Variants in RELN observed in about 807,000 individuals in gnomAD.
RELN encodes reelin.
Under a neutral mutation model 427.6 loss-of-function variants are expected in RELN, and 108 were observed. The observed-to-expected ratio is 0.25, with a 90% confidence interval of 0.22 to 0.30. The LOEUF is 0.30. RELN is among the 10% of genes least tolerant of loss of function. RELN has a pLI of 1.00. For synonymous variants in RELN, 1,524 were observed against 1,513.4 expected, an observed-to-expected ratio of 1.01 and a Z score of -0.16; for missense variants, 3,715 against 4,302.8, an observed-to-expected ratio of 0.86 and a Z score of 3.82.
In RELN at chr7:103,492,128, T is replaced by C. The variant is rs1828694478; in HGVS notation, c.9370-102A>G. On this transcript the variant is annotated intron_variant, in intron 57 of 64. Transcript: ENST00000428762. The stretch of plus-strand genomic sequence containing the variant: ...CCATTTATTACTCTGATAGGTAATA[T>C]TCAGAGAAGCTTTTATAGAGCAGCC... The C allele has an allele frequency of 5.4e-6, 5 of 917,826 alleles. No individual in the cohort carries two copies. The East Asian group carries it at 1.0e-4, about 19-fold the overall frequency. The allele number at this position is 917,826 out of a possible 1,614,324, so 56.9% of individuals were successfully genotyped here. A position where few individuals can be genotyped will look rare whatever the true frequency, so the allele number is the denominator to read the frequency against.
chr7:103,530,650 C>G (rs564476345), intron 46 of RELN, among the ~76,000 whole-genome samples: 1 of 152,146 alleles, frequency 6.6e-6, no homozygotes, highest in Non-Finnish European at 1.5e-5. Flanking sequence ...CTGCTTGAAT[C>G]GGCAACTCAT....
intron 2 of RELN, among the ~76,000 whole-genome samples, chr7:103,914,846 C>T (rs1264918467): frequency 6.6e-6 from 1 of 152,138 alleles, no homozygotes; most frequent in African/African-American, 2.4e-5. Flanking sequence ...CACGCCTTGC[C>T]ATATCAGAAT....
chr7:103,666,618 T>C (rs1833273309), intron 11 of RELN, among the ~76,000 whole-genome samples: 1 of 152,216 alleles, frequency 6.6e-6, no homozygotes, highest in South Asian at 2.1e-4. Context: ...TTTCCAGTGT[T>C]AATTTTACAC....
chr7:103,647,699 A>T (rs1832825437), intron 16 of RELN, among the ~76,000 whole-genome samples: 1 of 151,896 alleles, frequency 6.6e-6, no homozygotes, highest in Non-Finnish European at 1.5e-5. Flanking sequence ...ATTAGAAAAA[A>T]ACAATCCTAA....
chr7:103,478,293 G>A, intron 64 of RELN, 96 bp downstream of exon 64: 1 of 529,038 alleles, frequency 1.9e-6, no homozygotes, highest in Non-Finnish European at 3.3e-6. Flanking sequence ...TTTTTTTTTA[G>A]TTGCAAAGGT....
intron 2 of RELN, among the ~76,000 whole-genome samples, chr7:103,866,871 C>T (rs6944760): frequency 0.36 from 54,639 of 151,822 alleles, 10,264 homozygotes; most frequent in Non-Finnish European, 0.42. Flanking sequence ...CTGCTCCTAC[C>T]CTGACATACA....
At chr7:103,749,365 A>T in intron 6 of RELN, 61 bp downstream of exon 6, 1 of 1,248,994 alleles carries the variant, frequency 8.0e-7, no homozygotes, top group Non-Finnish European at 1.2e-6. Flanking sequence ...TCCTTAAAGG[A>T]GCAGTCAGCA....
At chr7:103,702,793 G>A (rs985192168) in intron 8 of RELN, among the ~76,000 whole-genome samples, 2 of 152,164 alleles carry the variant, frequency 1.3e-5, no homozygotes, top group Non-Finnish European at 2.9e-5. Context: ...TGATTAGTCA[G>A]TCTCCCTGTC....
At chr7:103,633,741 G>T (rs571291299) in intron 19 of RELN, among the ~76,000 whole-genome samples, 73 of 152,188 alleles carry the variant, frequency 4.8e-4, no homozygotes, top group African/African-American at 1.8e-3. Context: ...ACTGAATTTT[G>T]CAGCTGTCCA....
At chr7:103,676,738 A>C (rs1833534357) in intron 11 of RELN, among the ~76,000 whole-genome samples, 1 of 152,002 alleles carries the variant, frequency 6.6e-6, no homozygotes, top group African/African-American at 2.4e-5. Context: ...TGTCCTTTGT[A>C]GGGACACGGA....
chr7:103,891,787 C>G (rs527766673), intron 2 of RELN, among the ~76,000 whole-genome samples: 1 of 152,234 alleles, frequency 6.6e-6, no homozygotes, highest in East Asian at 1.9e-4. Context: ...ACATTGAGCT[C>G]TCTGATTTAT....
chr7:103,886,561 A>G (rs577223619), intron 2 of RELN, among the ~76,000 whole-genome samples: 12 of 152,330 alleles, frequency 7.9e-5, no homozygotes, highest in African/African-American at 2.2e-4. Context: ...GCTTTGTGTG[A>G]ACATGAAAGT....
chr7:103,508,623 T>C (rs1187763411), intron 51 of RELN, among the ~76,000 whole-genome samples: 1 of 150,874 alleles, frequency 6.6e-6, no homozygotes, highest in Non-Finnish European at 1.5e-5. Context: ...CTCTCTCTCT[T>C]ATTCAACACA....
intron 1 of RELN, among the ~76,000 whole-genome samples, chr7:103,963,131 C>CTTTTTT (rs767207596): frequency 4.2e-3 from 226 of 53,740 alleles, no homozygotes; most frequent in Non-Finnish European, 5.8e-3. Flanking sequence ...CTCTTTTCGC[C>CTTTTTT]TTCTTTTTTT....
At chr7:103,890,010 A>C (rs4727578) in intron 2 of RELN, among the ~76,000 whole-genome samples, 118,821 of 151,872 alleles carry the variant, frequency 0.78, 46,524 homozygotes, top group East Asian at 0.87. Context: ...AGTTCTGTGA[A>C]CTTTTTGTTA....
chr7:103,670,246 C>T (rs1833361410), intron 11 of RELN, among the ~76,000 whole-genome samples: 1 of 152,052 alleles, frequency 6.6e-6, no homozygotes, highest in South Asian at 2.1e-4. Flanking sequence ...CAATAACTAT[C>T]AAAACTGAAA....
chr7:103,496,587 G>T lies in RELN; in HGVS notation c.9132C>A (p.Asp3044Glu). The T allele has an allele frequency of 6.2e-7, 1 of 1,614,094 alleles. No individual in the cohort carries two copies. Among genetic ancestry groups the T allele is most frequent in the Non-Finnish European group, 8.5e-7 (1 of 1,180,018 alleles). ...TTTCTGCTCCACCAATCAAAATGTT[G>T]TCCAGTGCCCACTGAGCACGCTCCA... ...SGVERAQWAL[D>E]NILIGGAEIN... The change falls in exon 56 of 65, where the codon GAC becomes GAA. Residue 3044 changes from aspartate (D) to glutamate (E), a missense_variant. Around this residue, in one of 4 missense-constraint regions of RELN, gnomAD observed 1,310 missense variants for 1,643.0 expected, o/e 0.80. Transcript: ENST00000428762.
At chr7:103,802,244 T>C (rs953597022) in intron 3 of RELN, among the ~76,000 whole-genome samples, 3 of 152,094 alleles carry the variant, frequency 2.0e-5, no homozygotes, top group African/African-American at 7.2e-5. Flanking sequence ...TGCAAAACTT[T>C]TTAGAGGGAA....
intron 3 of RELN, among the ~76,000 whole-genome samples, chr7:103,816,445 T>G (rs1039190883): frequency 1.3e-5 from 2 of 151,796 alleles, no homozygotes; most frequent in Non-Finnish European, 1.5e-5. Context: ...TTCATAAAAA[T>G]GTGAAAAAAT....
Sources: gnomAD v4.1 joint callset for allele counts (sites outside exome capture counted in the v4.1 genomes callset) on GRCh38, gnomAD v4.1.1 for gene constraint, gnomAD v4.1.1 regional missense constraint, MANE v1.5 for transcripts, NCBI Gene and HGNC (gene_info 2026-07-23, HGNC 2026-07-21) for gene names.